Variants in XRCC4 observed in about 807,000 individuals in gnomAD.
XRCC4 encodes the protein DNA repair protein XRCC4.
In XRCC4, 28 loss-of-function variants were observed where a neutral mutation model predicts 39.1. The observed-to-expected ratio is 0.72, with a 90% confidence interval of 0.53 to 0.98. The LOEUF (loss-of-function observed/expected upper bound fraction) is 0.98. Ranked by LOEUF, XRCC4 falls within the 50% of genes least tolerant of loss-of-function variation. XRCC4 has a pLI of 0.00. For missense variants in XRCC4, 350 were observed against 376.4 expected, an observed-to-expected ratio of 0.93 and a Z score of 0.58; for synonymous variants, 123 against 126.4, an observed-to-expected ratio of 0.97 and a Z score of 0.18.
At chr5:83,306,681 T>A (rs1421616319) in intron 7 of XRCC4, among the ~76,000 whole-genome samples, 1 of 152,026 alleles carries the variant, frequency 6.6e-6, no homozygotes, top group Non-Finnish European at 1.5e-5. Flanking sequence ...TGATGAAGAG[T>A]GGATGATGTG....
intron 3 of XRCC4, among the ~76,000 whole-genome samples, chr5:83,132,192 A>C (rs1000667362): frequency 6.6e-6 from 1 of 152,082 alleles, no homozygotes; most frequent in African/African-American, 2.4e-5. Flanking sequence ...TTTCTTTAAG[A>C]ATGTTGAATA....
At chr5:83,271,857 G>T (rs3777037) in intron 7 of XRCC4, among the ~76,000 whole-genome samples, 2 of 152,076 alleles carry the variant, frequency 1.3e-5, no homozygotes, top group South Asian at 2.1e-4. Context: ...TTGAGTTCCC[G>T]CTATCTTTCT....
At chr5:83,114,587 G>A (rs1300091477) in intron 3 of XRCC4, among the ~76,000 whole-genome samples, 1 of 152,162 alleles carries the variant, frequency 6.6e-6, no homozygotes, top group Non-Finnish European at 1.5e-5. Context: ...TTCGTTGTCT[G>A]TATTAGCATT....
chr5:83,262,866 A>G (rs189736844), intron 7 of XRCC4, among the ~76,000 whole-genome samples: 34 of 112,182 alleles, frequency 3.0e-4, no homozygotes, highest in African/African-American at 1.1e-3. Flanking sequence ...TTTATACTTT[A>G]AGTTTCTGGG....
intron 3 of XRCC4, among the ~76,000 whole-genome samples, chr5:83,155,996 A>G (rs1266245087): frequency 2.7e-5 from 4 of 148,336 alleles, no homozygotes; most frequent in Admixed American, 6.7e-5. Context: ...TCTCTGTCAC[A>G]GAGCAAAAAT....
chr5:83,353,337 AC>A lies in XRCC4; in HGVS notation c.*97del. On this transcript the variant is annotated 3_prime_UTR_variant, in exon 8 of 8. Coordinates refer to ENST00000396027, the MANE Select transcript of XRCC4 (RefSeq NM_003401.5). The stretch of plus-strand genomic sequence containing the variant: ...GAATTTCAAGTCAGCAGCCGCTATT[AC>A]CGTATCTTACAATTTAATTACATAC... 3 of 930,594 alleles carry A rather than the reference AC, an allele frequency of 3.2e-6. No homozygotes were observed. Among genetic ancestry groups the A allele is most frequent in the Non-Finnish European group, 4.8e-6 (3 of 619,496 alleles). The allele number at this position is 930,594 out of a possible 1,614,324, so 57.6% of individuals were successfully genotyped here. A position where few individuals can be genotyped will look rare whatever the true frequency, so the allele number is the denominator to read the frequency against.
intron 3 of XRCC4, among the ~76,000 whole-genome samples, chr5:83,151,832 T>A (rs1167336363): frequency 6.6e-6 from 1 of 152,236 alleles, no homozygotes; most frequent in African/African-American, 2.4e-5. Context: ...ATGTGCAGTT[T>A]GATGTGGAAG....
intron 3 of XRCC4, among the ~76,000 whole-genome samples, chr5:83,139,750 T>C (rs1241035098): frequency 2.0e-5 from 3 of 152,200 alleles, no homozygotes; most frequent in Admixed American, 1.3e-4. Flanking sequence ...CTGTAGGCAG[T>C]TGTAATACAG....
chr5:83,289,768 A>G (rs1036528435), intron 7 of XRCC4, among the ~76,000 whole-genome samples: 2 of 151,764 alleles, frequency 1.3e-5, no homozygotes, highest in Non-Finnish European at 2.9e-5. Context: ...AAACATGAGC[A>G]ATATACATAT....
intron 7 of XRCC4, among the ~76,000 whole-genome samples, chr5:83,343,014 CATTTCGATTAAGGTTTG>C (rs1756809690): frequency 6.6e-6 from 1 of 151,546 alleles, no homozygotes; most frequent in South Asian, 2.1e-4. Context: ...TTTTTAAGGT[CATTTCGATTAAGGTTTG>C]ATTTGATATG....
At chr5:83,347,745 A>C (rs896635957) in intron 7 of XRCC4, among the ~76,000 whole-genome samples, 5 of 152,138 alleles carry the variant, frequency 3.3e-5, no homozygotes, top group Admixed American at 2.6e-4. Flanking sequence ...AGTCCCCCAA[A>C]ATCTTAACTC....
chr5:83,320,493 A>T (rs540195824), intron 7 of XRCC4, among the ~76,000 whole-genome samples: 1 of 152,220 alleles, frequency 6.6e-6, no homozygotes, highest in South Asian at 2.1e-4. Context: ...TTCATAAAGC[A>T]GAGGTGGGGT....
At position 83,305,529 on chromosome 5, in the gene XRCC4, A is replaced by G. The variant is rs185273167; in HGVS notation, c.893+46852A>G. On this transcript the variant is annotated intron_variant, in intron 7 of 7. Coordinates refer to ENST00000396027, the MANE Select transcript of XRCC4 (RefSeq NM_003401.5). ...GGGTAACTGAACTTTTATTATATAG[A>G]ACACTTCAAAGAACTTCTGTTCTGA... Among the ~76,000 whole-genome samples, 403 of 152,270 alleles carry G rather than the reference A, an allele frequency of 2.6e-3. 3 individuals carry two copies. Among genetic ancestry groups the G allele is most frequent in the African/African-American group, 9.4e-3 (390 of 41,568 alleles).
intron 3 of XRCC4, among the ~76,000 whole-genome samples, chr5:83,157,929 A>T (rs1331674430): frequency 2.6e-5 from 4 of 152,092 alleles, no homozygotes; most frequent in African/African-American, 9.6e-5. Flanking sequence ...GTTATTGAAA[A>T]TGCCTATCCT....
At chr5:83,321,256 G>A (rs1276142055) in intron 7 of XRCC4, among the ~76,000 whole-genome samples, 1 of 152,162 alleles carries the variant, frequency 6.6e-6, no homozygotes, top group Non-Finnish European at 1.5e-5. Context: ...AACTGGCAAT[G>A]TATGCAAAGT....
chr5:83,164,971 T>C (rs1474132585), intron 3 of XRCC4, among the ~76,000 whole-genome samples: 1 of 151,682 alleles, frequency 6.6e-6, no homozygotes, highest in African/African-American at 2.4e-5. Context: ...GTTTATTTTA[T>C]TTTAAATAAA....
chr5:83,223,077 G>C (rs1039103909), intron 6 of XRCC4, among the ~76,000 whole-genome samples: 1 of 152,182 alleles, frequency 6.6e-6, no homozygotes, highest in East Asian at 1.9e-4. Context: ...AATTTGTTGA[G>C]ACTTGTTTTG....
At chr5:83,346,516 T>C (rs2112218698) in intron 7 of XRCC4, among the ~76,000 whole-genome samples, 1 of 152,234 alleles carries the variant, frequency 6.6e-6, no homozygotes, top group East Asian at 1.9e-4. Context: ...TTATGTCATT[T>C]AGGTGTTACC....
In XRCC4 at chr5:83,353,175, C is replaced by T. The variant is rs750605920; in HGVS notation, c.938C>T (p.Ser313Leu). ...GAGACGTCTAAAAAGGAGCACATCT[C>T]AGCTGAAAACATGTCTTTAGAAACT... is the stretch of plus-strand genomic sequence containing the variant. ...LPETSKKEHI[S>L]AENMSLETLR... Residue 313 changes from serine to leucine, a missense_variant, in exon 8 of 8, where the codon TCA (serine) becomes TTA (leucine). By Grantham distance (145) the Ser-to-Leu change is moderately radical. Coordinates refer to ENST00000396027, the MANE Select transcript of XRCC4 (RefSeq NM_003401.5). The T allele has an allele frequency of 1.9e-6, 3 of 1,612,538 alleles. No homozygotes were observed. The highest frequency in any genetic ancestry group is 2.5e-6 in the Non-Finnish European group (3 of 1,179,210).
Sources: allele counts gnomAD v4.1 joint callset (sites outside exome capture counted in the v4.1 genomes callset), GRCh38; gene constraint gnomAD v4.1.1; transcripts MANE v1.5; gene names NCBI Gene and HGNC (gene_info 2026-07-23, HGNC 2026-07-21).